The following RANBP2 variants were observed in gnomAD, a reference collection of about 807,000 sequenced individuals.
RANBP2 encodes the protein RAN binding protein 2.
A neutral mutation model predicts 303.6 loss-of-function variants in RANBP2; 57 were observed. That is an observed-to-expected ratio of 0.19 (90% CI 0.15 to 0.23). RANBP2 has a LOEUF of 0.23. Ranked by LOEUF, RANBP2 falls within the 10% of genes least tolerant of loss-of-function variation. The pLI, the probability that RANBP2 is intolerant of heterozygous loss-of-function variation, is 1.00. For missense variants in RANBP2, 3,138 were observed against 3,780.8 expected (o/e 0.83, Z 4.46); for synonymous variants, 1,167 against 1,301.5 (o/e 0.90, Z 2.23).
the RANBP2 span, among the ~76,000 whole-genome samples, chr2:109,636,276 C>T: frequency 6.6e-6 from 1 of 152,280 alleles, no homozygotes; most frequent in Middle Eastern, 3.4e-3. Context: ...TTAGAACTCT[C>T]ATGGTTTTTT....
At chr2:109,737,479 T>G in the RANBP2 span, 8,576 of 610,346 alleles carry the variant, frequency 0.014, 424 homozygotes, top group Admixed American at 0.11. Flanking sequence ...AACCTGCTTT[T>G]TTTTTTGCCC....
chr2:109,122,032 A>G, the RANBP2 span, among the ~76,000 whole-genome samples: 1 of 152,170 alleles, frequency 6.6e-6, no homozygotes, highest in Non-Finnish European at 1.5e-5. Context: ...CTGCTACTCA[A>G]GGAGCTCAGG....
chr2:108,907,337 T>C, the RANBP2 span, among the ~76,000 whole-genome samples: 1 of 152,180 alleles, frequency 6.6e-6, no homozygotes, highest in African/African-American at 2.4e-5. Context: ...CGTTTTTGTG[T>C]ATGAAGCTAT....
the RANBP2 span, among the ~76,000 whole-genome samples, chr2:109,049,207 T>G: frequency 6.6e-6 from 1 of 152,180 alleles, no homozygotes; most frequent in Non-Finnish European, 1.5e-5. Context: ...GAGTTTACAC[T>G]TCATCCTCCG....
At chr2:109,717,359 A>G in the RANBP2 span, among the ~76,000 whole-genome samples, 21 of 151,184 alleles carry the variant, frequency 1.4e-4, no homozygotes, top group Non-Finnish European at 3.1e-4. Context: ...AGGCGGGTGG[A>G]TCACTTGAGG....
chr2:109,395,579 C>T, the RANBP2 span, among the ~76,000 whole-genome samples: 1 of 152,204 alleles, frequency 6.6e-6, no homozygotes, highest in Non-Finnish European at 1.5e-5. Context: ...ACTTTCAGCA[C>T]CGGCCTTCGG....
chr2:109,142,712 T>C, the RANBP2 span, among the ~76,000 whole-genome samples: 114,843 of 152,024 alleles, frequency 0.76, 45,453 homozygotes, highest in Non-Finnish European at 0.89. Context: ...CTGTCGGGCC[T>C]GGGTTTATTT....
At chr2:109,667,052 A>G in the RANBP2 span, 1 of 583,914 alleles carries the variant, frequency 1.7e-6, no homozygotes, top group East Asian at 3.7e-5. Context: ...AAGTCAATCC[A>G]GTGAGAAGGT....
chr2:108,882,706 C>T, the RANBP2 span: 1 of 152,188 alleles, frequency 6.6e-6, no homozygotes, highest in Admixed American at 6.5e-5. Flanking sequence ...CCACATGTCT[C>T]TTCATTTTCT....
the RANBP2 span, among the ~76,000 whole-genome samples, chr2:109,438,491 C>G: frequency 6.6e-6 from 1 of 152,138 alleles, no homozygotes; most frequent in African/African-American, 2.4e-5. Flanking sequence ...TGAGGACTAC[C>G]CTGGTGTCAG....
chr2:109,357,402 C>T, the RANBP2 span, among the ~76,000 whole-genome samples: 1 of 152,136 alleles, frequency 6.6e-6, no homozygotes, highest in African/African-American at 2.4e-5. Context: ...AGGATGGTCT[C>T]GATCTCCTGA....
At chr2:108,987,577 T>C in the RANBP2 span, among the ~76,000 whole-genome samples, 3 of 152,210 alleles carry the variant, frequency 2.0e-5, no homozygotes, top group African/African-American at 7.2e-5. Flanking sequence ...AAATCAAGCA[T>C]TTCAGGGAAA....
the RANBP2 span, among the ~76,000 whole-genome samples, chr2:109,621,299 C>T: frequency 1.3e-5 from 2 of 152,110 alleles, no homozygotes; most frequent in South Asian, 2.1e-4. Context: ...ACTACAGTCG[C>T]GCGCCACTAC....
chr2:109,644,359 C>T, the RANBP2 span, among the ~76,000 whole-genome samples: 1 of 152,120 alleles, frequency 6.6e-6, no homozygotes, highest in Non-Finnish European at 1.5e-5. Flanking sequence ...ACGAATTTCT[C>T]TTTCACTATT....
the RANBP2 span, among the ~76,000 whole-genome samples, chr2:109,512,287 G>A: frequency 1.3e-5 from 2 of 152,002 alleles, no homozygotes; most frequent in African/African-American, 2.4e-5. Flanking sequence ...GGCCCTCCCT[G>A]CCCTGCATCC....
chr2:109,338,225 C>CATGTG, the RANBP2 span, among the ~76,000 whole-genome samples: 4 of 152,148 alleles, frequency 2.6e-5, no homozygotes, highest in Non-Finnish European at 5.9e-5. Flanking sequence ...CTCATTCGAT[C>CATGTG]TCACATTTAG....
the RANBP2 span, among the ~76,000 whole-genome samples, chr2:109,750,785 G>T: frequency 1.5e-5 from 1 of 67,604 alleles, no homozygotes. Context: ...GTGCACTGGC[G>T]TGATCTCGTC....
At chr2:109,557,933 T>C in the RANBP2 span, among the ~76,000 whole-genome samples, 1 of 151,684 alleles carries the variant, frequency 6.6e-6, no homozygotes, top group East Asian at 1.9e-4. Context: ...GCTGGGACTA[T>C]ATGAGCATGC....
the RANBP2 span, among the ~76,000 whole-genome samples, chr2:109,002,587 G>A: frequency 6.6e-6 from 1 of 152,050 alleles, no homozygotes; most frequent in African/African-American, 2.4e-5. Context: ...TTCACAACCT[G>A]GCCCAGCCAT....
Sources: allele counts gnomAD v4.1 joint callset (sites outside exome capture counted in the v4.1 genomes callset), GRCh38; gene constraint gnomAD v4.1.1; transcripts MANE v1.5; gene names NCBI Gene and HGNC (gene_info 2026-07-23, HGNC 2026-07-21).